GALNTL6: variants seen among roughly 807,000 people sequenced by gnomAD.
GALNTL6 encodes polypeptide N-acetylgalactosaminyltransferase-like 6.
GALNTL6 carries 46 observed loss-of-function variants against 73.7 expected under a neutral mutation model. That is an observed-to-expected ratio of 0.62 (90% CI 0.49 to 0.80). The LOEUF (loss-of-function observed/expected upper bound fraction) is 0.80, where lower values mean the gene tolerates loss of function less well. GALNTL6 is among the 30% of genes least tolerant of loss of function. GALNTL6 has a pLI of 0.00. For missense variants in GALNTL6, 604 were observed against 755.0 expected (o/e 0.80, Z 2.34); for synonymous variants, 259 against 263.7 (o/e 0.98, Z 0.17).
chr4:172,364,802 G>A (rs1360587320), intron 5 of GALNTL6, among the ~76,000 whole-genome samples: 1 of 152,176 alleles, frequency 6.6e-6, no homozygotes, highest in Non-Finnish European at 1.5e-5. Flanking sequence ...AATGGACAGA[G>A]TAAGACAGAT....
At chr4:172,837,336 A>G (rs1014738960) in intron 7 of GALNTL6, among the ~76,000 whole-genome samples, 4 of 152,194 alleles carry the variant, frequency 2.6e-5, no homozygotes, top group Non-Finnish European at 5.9e-5. Context: ...TACATAGCAG[A>G]TCATCAGTCC....
chr4:171,856,668 C>A (rs1378334762), intron 2 of GALNTL6, among the ~76,000 whole-genome samples: 1 of 152,102 alleles, frequency 6.6e-6, no homozygotes, highest in East Asian at 1.9e-4. Flanking sequence ...AGTGTGAGAG[C>A]ACCATTTATT....
At chr4:172,932,440 T>G (rs1008125693) in intron 9 of GALNTL6, among the ~76,000 whole-genome samples, 2 of 152,200 alleles carry the variant, frequency 1.3e-5, no homozygotes, top group Admixed American at 6.5e-5. Context: ...TGTTCTTCCT[T>G]TTTCCCTTTC....
intron 10 of GALNTL6, among the ~76,000 whole-genome samples, chr4:173,001,337 G>A (rs1412254828): frequency 6.6e-6 from 1 of 152,066 alleles, no homozygotes; most frequent in Non-Finnish European, 1.5e-5. Flanking sequence ...AAAAAAATGA[G>A]GTTGTAAAAT....
rs1184105463 is a variant in GALNTL6, at chr4:172,328,799, T to C, written c.386+17047T>C. The stretch of plus-strand genomic sequence containing the variant: ...GATTCTTATTTTCCTTGGATTAAGT[T>C]TGCCATTCTCCAGAATCTTGATGAT... On this transcript the variant is annotated intron_variant, in intron 4 of 12. Transcript: ENST00000506823. Among the ~76,000 whole-genome samples the C allele has an allele frequency of 2.0e-5, 3 of 152,228 alleles. No homozygotes were observed. The East Asian group carries it at 5.8e-4, about 29-fold the overall frequency.
chr4:172,682,437 A>C, intron 5 of GALNTL6, among the ~76,000 whole-genome samples: 1 of 152,290 alleles, frequency 6.6e-6, no homozygotes. Context: ...AGAAAGAGTG[A>C]AATGAAGGAT....
chr4:172,002,366 A>G (rs1411557263), intron 2 of GALNTL6, among the ~76,000 whole-genome samples: 1 of 152,134 alleles, frequency 6.6e-6, no homozygotes, highest in Non-Finnish European at 1.5e-5. Flanking sequence ...GTGAGCACAG[A>G]GTGAAAAGAC....
chr4:171,926,328 T>A (rs966646182), intron 2 of GALNTL6, among the ~76,000 whole-genome samples: 48 of 152,184 alleles, frequency 3.2e-4, no homozygotes, highest in Non-Finnish European at 1.6e-4. Context: ...TATACTTTTT[T>A]ACATTTCCAT....
intron 2 of GALNTL6, among the ~76,000 whole-genome samples, chr4:171,917,215 C>A (rs1419786192): frequency 6.6e-6 from 1 of 151,848 alleles, no homozygotes; most frequent in Admixed American, 6.6e-5. Context: ...TATGTTTCAC[C>A]CTTATTCCAG....
At chr4:172,665,752 A>G (rs973583724) in intron 5 of GALNTL6, among the ~76,000 whole-genome samples, 89 of 152,326 alleles carry the variant, frequency 5.8e-4, no homozygotes, top group African/African-American at 2.0e-3. Flanking sequence ...TATTTATTAT[A>G]TTAATGAATA....
intron 5 of GALNTL6, among the ~76,000 whole-genome samples, chr4:172,559,387 A>G (rs569124562): frequency 3.3e-5 from 5 of 152,210 alleles, no homozygotes; most frequent in African/African-American, 9.6e-5. Flanking sequence ...TAAGTCATAG[A>G]ATTTTATGGA....
intron 2 of GALNTL6, among the ~76,000 whole-genome samples, chr4:172,228,763 G>T (rs13102395): frequency 0.4 from 60,381 of 151,928 alleles, 12,181 homozygotes; most frequent in African/African-American, 0.42. Context: ...TTGACTACAA[G>T]ATTGTGAAGA....
chr4:172,974,161 G>A (rs1383654267), intron 10 of GALNTL6, among the ~76,000 whole-genome samples: 1 of 152,132 alleles, frequency 6.6e-6, no homozygotes, highest in Non-Finnish European at 1.5e-5. Context: ...ACCATATCCT[G>A]TCATGTTGAA....
At chr4:172,693,494 T>A (rs1295295406) in intron 5 of GALNTL6, among the ~76,000 whole-genome samples, 1 of 152,176 alleles carries the variant, frequency 6.6e-6, no homozygotes, top group Non-Finnish European at 1.5e-5. Context: ...ATCAATATAT[T>A]CACAACATTT....
At chr4:171,818,550 T>A (rs1369507977) in intron 2 of GALNTL6, among the ~76,000 whole-genome samples, 1 of 150,462 alleles carries the variant, frequency 6.6e-6, no homozygotes, top group African/African-American at 2.4e-5. Context: ...TAGAAGCTTA[T>A]ATTGTCCTAG....
At chr4:172,030,319 ATTC>A (rs1239438077) in intron 2 of GALNTL6, among the ~76,000 whole-genome samples, 1 of 152,094 alleles carries the variant, frequency 6.6e-6, no homozygotes, top group African/African-American at 2.4e-5. Context: ...AGGTAATGTT[ATTC>A]TTATGAATCC....
chr4:172,736,813 G>A (rs1222270414), intron 5 of GALNTL6, among the ~76,000 whole-genome samples: 2 of 152,134 alleles, frequency 1.3e-5, no homozygotes, highest in African/African-American at 4.8e-5. Context: ...TCCATTCGGG[G>A]TCCCTGACTT....
Position 171,856,334 on chromosome 4 carries a change from TG to T in GALNTL6, c.138+41617del, listed in dbSNP as rs1418578523. ...TTTGCCATGTTGGCCAGGTTGGTCT[TG>T]AACTCCTGACCTCAGGGCATCCACC... On this transcript the variant is annotated intron_variant, in intron 2 of 12. Transcript: ENST00000506823. 7.2e-5 allele frequency among the ~76,000 whole-genome samples: 11 copies of T among 151,976 alleles called. No homozygotes were observed. In the South Asian group the frequency reaches 1.5e-3, roughly 20 times the overall value.
chr4:172,996,978 G>C (rs899977904), intron 10 of GALNTL6, among the ~76,000 whole-genome samples: 2 of 152,118 alleles, frequency 1.3e-5, no homozygotes, highest in African/African-American at 4.8e-5. Context: ...CCACTCATGG[G>C]TAACCAGGTC....
Sources: allele counts gnomAD v4.1 joint callset (sites outside exome capture counted in the v4.1 genomes callset), GRCh38; gene constraint gnomAD v4.1.1; transcripts MANE v1.5; gene names NCBI Gene and HGNC (gene_info 2026-07-23, HGNC 2026-07-21).